TERT: variants seen among roughly 807,000 people sequenced by gnomAD.
TERT encodes the protein telomerase reverse transcriptase, also known as telomerase catalytic subunit.
In TERT, 42 loss-of-function variants were observed where a neutral mutation model predicts 104.0. The ratio of observed to expected loss-of-function variants is 0.40; its 90% CI spans 0.32 to 0.52. The LOEUF (loss-of-function observed/expected upper bound fraction) is 0.52. Among genes scored for constraint, TERT ranks in the 20% least tolerant of loss-of-function variants. The pLI, the probability that TERT is intolerant of heterozygous loss-of-function variation, is 0.43. For missense variants in TERT, 1,101 were observed against 1,610.3 expected (o/e 0.68, Z 5.41); for synonymous variants, 781 against 725.6 (o/e 1.08, Z -1.23).
In TERT at chr5:1,287,685, T is replaced by G. The variant is rs1036067619; in HGVS notation, c.1574-5061A>C. Among the ~76,000 whole-genome samples the G allele has an allele frequency of 4.6e-5, 7 of 151,956 alleles. No homozygotes were observed. Among genetic ancestry groups the G allele is most frequent in the African/African-American group, 1.7e-4 (7 of 41,354 alleles). The stretch of plus-strand genomic sequence containing the variant: ...TCAGGAAGATAAAAATTCTACCACG[T>G]GCATGCACCTAACAATGCCTCACAT... On this transcript the variant is annotated intron_variant, in intron 2 of 15. Transcript: ENST00000310581. The surrounding 1 kb of genome is among the most constrained non-coding windows in gnomAD (Gnocchi z 4.3).
rs1750585030 is a variant in TERT, at chr5:1,287,752, A to C, written c.1574-5128T>G. ...GAAGAAATGAACAGACCCATCCCCC[A>C]GGTGAGGGACTATGGCCTCCTTCTT... On this transcript the variant is annotated intron_variant, in intron 2 of 15. Coordinates refer to ENST00000310581, the MANE Select transcript of TERT (RefSeq NM_198253.3). The surrounding 1 kb of genome is among the most constrained non-coding windows in gnomAD (Gnocchi z 4.3). Among the ~76,000 whole-genome samples, 1 of 152,108 alleles carries C rather than the reference A, an allele frequency of 6.6e-6. No individual in the cohort carries two copies. The highest frequency in any genetic ancestry group is 2.4e-5 in the African/African-American group (1 of 41,414).
chr5:1,258,216 C>G (rs1034557546), intron 13 of TERT, among the ~76,000 whole-genome samples: 1 of 152,230 alleles, frequency 6.6e-6, no homozygotes, highest in African/African-American at 2.4e-5. Flanking sequence ...TTGCTGAGAC[C>G]CCAAATCCTC....
In TERT at chr5:1,254,396, G is replaced by A. The variant is rs759883263; in HGVS notation, c.3267C>T (p.Tyr1089=). ...LLKLTRHRVT[Y]VPLLGSLRTA... is the part of the protein sequence containing the mutation. ...TCCTGAGTGACCCCAGGAGTGGCAC[G>A]TAGGTGACACGGTGTCGAGTCAGCT... Residue 1089 remains tyrosine (Y), a synonymous_variant, in exon 15 of 16, where the codon TAC becomes TAT. Coordinates refer to ENST00000310581, the MANE Select transcript of TERT (RefSeq NM_198253.3). The A allele has an allele frequency of 2.7e-5, 43 of 1,613,252 alleles. No individual in the cohort carries two copies. The highest frequency in any genetic ancestry group is 1.6e-4 in the Middle Eastern group (1 of 6,062).
rs1749438853 is a variant in TERT, at chr5:1,274,872, C to A, written c.2287-2592G>T. On this transcript the variant is annotated intron_variant, in intron 6 of 15. Coordinates refer to ENST00000310581, the MANE Select transcript of TERT (RefSeq NM_198253.3). The surrounding 1 kb of genome is among the most constrained non-coding windows in gnomAD (Gnocchi z 5.3). ...AAGGAGCCGGAAAAACAACAATAAA[C>A]AAAGCCTAAAGGAAATGGAAGGAGG... Among the ~76,000 whole-genome samples the A allele has an allele frequency of 6.6e-6, 1 of 152,178 alleles. No homozygotes were observed. Among genetic ancestry groups the A allele is most frequent in the African/African-American group, 2.4e-5 (1 of 41,438 alleles).
chr5:1,276,757 C>T (rs886727714), intron 6 of TERT, among the ~76,000 whole-genome samples: 1 of 152,202 alleles, frequency 6.6e-6, no homozygotes, highest in African/African-American at 2.4e-5. Flanking sequence ...TAAAAGGAGG[C>T]GCAGAAGCAA....
intron 6 of TERT, among the ~76,000 whole-genome samples, chr5:1,276,015 A>G (rs1380315092): frequency 2.3e-5 from 3 of 131,948 alleles, no homozygotes; most frequent in African/African-American, 2.9e-5. Flanking sequence ...CCTACCCCAC[A>G]CATGAAAACC....
Position 1,287,037 on chromosome 5 carries a change from C to A in TERT, c.1574-4413G>T, listed in dbSNP as rs577571738. ...CAAGAGGTGGTGAGAAACAAGGGAACGAGGACATGCAACAGGCAAGTGGAG... is the reference window on the plus strand; with the variant it reads ...CAAGAGGTGGTGAGAAACAAGGGAAAGAGGACATGCAACAGGCAAGTGGAG... On this transcript the variant is annotated intron_variant, in intron 2 of 15. Coordinates refer to ENST00000310581, the MANE Select transcript of TERT (RefSeq NM_198253.3). The surrounding 1 kb of genome is among the most constrained non-coding windows in gnomAD (Gnocchi z 4.3). 6.6e-5 allele frequency among the ~76,000 whole-genome samples: 10 copies of A among 152,046 alleles called. No homozygotes were observed. Among genetic ancestry groups the A allele is most frequent in the Non-Finnish European group, 1.5e-4 (10 of 68,026 alleles).
Position 1,294,234 on chromosome 5 carries a change from C to A in TERT, c.652G>T (p.Ala218Ser). 1 of 1,588,206 alleles carries A rather than the reference C, an allele frequency of 6.3e-7. No individual in the cohort carries two copies. Among genetic ancestry groups the A allele is most frequent in the Non-Finnish European group, 8.5e-7 (1 of 1,173,316 alleles). Residue 218 changes from alanine to serine, a missense_variant, in exon 2 of 16, where the codon GCC becomes TCC. This residue lies in a region of TERT where 504 missense variants were observed against 544.6 expected (regional missense o/e 0.93). Transcript: ENST00000310581. ...REAGVPLGLP[A>S]PGARRRGGSA... is the part of the protein sequence containing the mutation. ...CCCCCGCGCCTCCTCGCACCCGGGG[C>A]TGGCAGGCCCAGGGGGACCCCGGCC...
chr5:1,271,257 G>A (rs757727280), intron 7 of TERT, 53 bp from the exon 8 acceptor site: 2 of 1,361,938 alleles, frequency 1.5e-6, no homozygotes, highest in African/African-American at 2.9e-5. Flanking sequence ...TGCTGAGACA[G>A]GCAGGACCAC....
At chr5:1,284,962 C>T (rs1197948182) in intron 2 of TERT, among the ~76,000 whole-genome samples, 1 of 151,366 alleles carries the variant, frequency 6.6e-6, no homozygotes, top group Non-Finnish European at 1.5e-5. Flanking sequence ...AGACCTGCAC[C>T]ATCCAGACAC....
rs892919320 is a variant in TERT, at chr5:1,270,408, C to T, written c.2468+711G>A. ...TGCACGAATTTCCTCCGTGCTACCA[C>T]TCTCCCCAGGCACACACAGGGTCGC... On this transcript the variant is annotated intron_variant, in intron 8 of 15. Coordinates refer to ENST00000310581, the MANE Select transcript of TERT (RefSeq NM_198253.3). This position sits in a 1 kb window ranked among gnomAD's most constrained non-coding sequence, Gnocchi z 8.3. 6.6e-6 allele frequency among the ~76,000 whole-genome samples: 1 copy of T among 152,254 alleles called. No homozygotes were observed. The highest frequency in any genetic ancestry group is 1.5e-5 in the Non-Finnish European group (1 of 68,052).
intron 4 of TERT, 78 bp downstream of exon 4, chr5:1,280,080 C>T: frequency 4.4e-6 from 7 of 1,586,284 alleles, no homozygotes; most frequent in Non-Finnish European, 6.1e-6. Context: ...CCTCCGGGCC[C>T]TTCATCTAAG....
intron 11 of TERT, among the ~76,000 whole-genome samples, chr5:1,260,829 T>C (rs1290374057): frequency 1.3e-5 from 2 of 152,178 alleles, no homozygotes; most frequent in African/African-American, 2.4e-5. Flanking sequence ...TGATGTTGAG[T>C]GTATCCAAAC....
At chr5:1,284,829 C>A (rs1157175993) in intron 2 of TERT, among the ~76,000 whole-genome samples, 1 of 148,764 alleles carries the variant, frequency 6.7e-6, no homozygotes, top group Admixed American at 6.7e-5. Flanking sequence ...CAGACCTGCA[C>A]CATCCGGACA....
In TERT at chr5:1,257,568, T is replaced by C. The variant is rs113632384; in HGVS notation, c.3032+1030A>G. Reference sequence around the variant, plus strand: ...AGGGCGGTCTGAGCCGGACGCACCCTGGAACTGAGACAGCCTGGTCCCAAG... The same window carrying C: ...AGGGCGGTCTGAGCCGGACGCACCCCGGAACTGAGACAGCCTGGTCCCAAG... On this transcript the variant is annotated intron_variant, in intron 13 of 15. Transcript: ENST00000310581. This position sits in a 1 kb window ranked among gnomAD's most constrained non-coding sequence, Gnocchi z 5.6. Among the ~76,000 whole-genome samples, 112 of 152,294 alleles carry C rather than the reference T, an allele frequency of 7.4e-4. No homozygotes were observed. The highest frequency in any genetic ancestry group is 2.3e-3 in the African/African-American group (95 of 41,562).
intron 10 of TERT, 64 bp downstream of exon 10, chr5:1,266,400 G>T: frequency 1.4e-6 from 2 of 1,395,828 alleles, no homozygotes; most frequent in East Asian, 2.4e-5. Context: ...GCAGGACACG[G>T]GGGGCTCAAC....
rs1020948523 is a variant in TERT, at chr5:1,253,478, G to A, written c.*250C>T. 11 of 583,946 alleles carry A rather than the reference G, an allele frequency of 1.9e-5. No individual in the cohort carries two copies. Among genetic ancestry groups the A allele is most frequent in the Admixed American group, 6.0e-5 (2 of 33,278 alleles). The allele number at this position is 583,946 out of a possible 1,614,324, so 36.2% of individuals were successfully genotyped here. A position where few individuals can be genotyped will look rare whatever the true frequency, so the allele number is the denominator to read the frequency against. ...AGCTGGCCCTGGGGTGGAGCCGAGCGCCAGCCTGTGGGGAAGTGAAGACGG... is the reference window on the plus strand; with the variant it reads ...AGCTGGCCCTGGGGTGGAGCCGAGCACCAGCCTGTGGGGAAGTGAAGACGG... On this transcript the variant is annotated 3_prime_UTR_variant, in exon 16 of 16. Transcript: ENST00000310581.
chr5:1,265,538 A>C lies in TERT; in HGVS notation c.2654+926T>G, dbSNP rs1171074162. Among the ~76,000 whole-genome samples the C allele has an allele frequency of 6.6e-6, 1 of 151,572 alleles. No individual in the cohort carries two copies. Among genetic ancestry groups the C allele is most frequent in the Non-Finnish European group, 1.5e-5 (1 of 67,880 alleles). On this transcript the variant is annotated intron_variant, in intron 10 of 15. Coordinates refer to ENST00000310581, the MANE Select transcript of TERT (RefSeq NM_198253.3). This position sits in a 1 kb window ranked among gnomAD's most constrained non-coding sequence, Gnocchi z 6.9. Reference sequence around the variant, plus strand: ...ACTCCTGAGCCCTCAGTTGCTTGGGACCTGGGCTCCCCCCGAGTGAATCTT... The same window carrying C: ...ACTCCTGAGCCCTCAGTTGCTTGGGCCCTGGGCTCCCCCCGAGTGAATCTT...
Position 1,264,233 on chromosome 5 carries a change from A to G in TERT, c.2843+171T>C, listed in dbSNP as rs1238276392. Reference sequence around the variant, plus strand: ...GTTGTGAGCACCCTCACTCCCACAGAAAGATGCATTTCTGCTCAGCCCCAG... The same window carrying G: ...GTTGTGAGCACCCTCACTCCCACAGGAAGATGCATTTCTGCTCAGCCCCAG... On this transcript the variant is annotated intron_variant, in intron 11 of 15. Coordinates refer to ENST00000310581, the MANE Select transcript of TERT (RefSeq NM_198253.3). 4 of 675,814 alleles carry G rather than the reference A, an allele frequency of 5.9e-6. No homozygotes were observed. The African/African-American group carries it at 7.2e-5, about 12-fold the overall frequency. 41.9% of individuals were successfully genotyped at this position (675,814 alleles called of 1,614,324 possible).
Sources: allele counts gnomAD v4.1 joint callset (sites outside exome capture counted in the v4.1 genomes callset), GRCh38; gene constraint gnomAD v4.1.1; regional missense constraint gnomAD v4.1.1; non-coding constraint Gnocchi (gnomAD v3.1); transcripts MANE v1.5; gene names NCBI Gene and HGNC (gene_info 2026-07-23, HGNC 2026-07-21).